GTPBP4: variants seen among roughly 807,000 people sequenced by gnomAD.
The protein encoded by GTPBP4 is GTP binding protein 4, also known as GTP-binding protein 4.
GTPBP4 carries 15 observed loss-of-function variants against 81.7 expected under a neutral mutation model. The ratio of observed to expected loss-of-function variants is 0.18; its 90% CI spans 0.12 to 0.28. The LOEUF is 0.28. Among genes scored for constraint, GTPBP4 ranks in the 10% least tolerant of loss-of-function variants. GTPBP4 has a pLI of 1.00. For synonymous variants in GTPBP4, 272 were observed against 274.6 expected, an observed-to-expected ratio of 0.99 and a Z score of 0.09; for missense variants, 847 against 793.8, an observed-to-expected ratio of 1.07 and a Z score of -0.81.
chr10:1,001,151 G>A (rs1159154635), intron 8 of GTPBP4, 138 bp downstream of exon 8: 1 of 636,404 alleles, frequency 1.6e-6, no homozygotes, highest in Admixed American at 2.8e-5. Flanking sequence ...TATCCTCAGT[G>A]GTTTAGTGAA....
intron 1 of GTPBP4, among the ~76,000 whole-genome samples, chr10:990,305 G>A (rs549682517): frequency 8.0e-4 from 122 of 152,174 alleles, no homozygotes; most frequent in African/African-American, 2.5e-3. Context: ...AAATCACATC[G>A]GGAAAGTGTG....
intron 9 of GTPBP4, among the ~76,000 whole-genome samples, chr10:1,006,499 G>T (rs556063791): frequency 6.6e-6 from 1 of 152,150 alleles, no homozygotes; most frequent in Non-Finnish European, 1.5e-5. Flanking sequence ...TTAGCCGGGC[G>T]TGGTAGCGCA....
At position 1,017,357 on chromosome 10, in the gene GTPBP4, T is replaced by C; in HGVS notation, c.*130T>C. On this transcript the variant is annotated 3_prime_UTR_variant, in exon 17 of 17. Transcript: ENST00000360803. Reference sequence around the variant, plus strand: ...AAAATAAGTAAAGCACTTGTTGCTTTGCTGAAAACTATGGTTAACCCTATA... The same window carrying C: ...AAAATAAGTAAAGCACTTGTTGCTTCGCTGAAAACTATGGTTAACCCTATA... 1 of 871,500 alleles carries C rather than the reference T, an allele frequency of 1.1e-6. No homozygotes were observed. The highest frequency in any genetic ancestry group is 2.4e-5 in the Admixed American group (1 of 40,822). 54.0% of individuals were successfully genotyped at this position (871,500 alleles called of 1,614,324 possible).
In GTPBP4 at chr10:1,005,774, T is replaced by C. The variant is rs562198950; in HGVS notation, c.913-44T>C. The C allele has an allele frequency of 1.4e-4, 149 of 1,086,892 alleles. No individual in the cohort carries two copies. The Admixed American group carries it at 1.7e-3, about 13-fold the overall frequency. 67.3% of individuals were successfully genotyped at this position (1,086,892 alleles called of 1,614,324 possible). A position where few individuals can be genotyped will look rare whatever the true frequency, so the allele number is the denominator to read the frequency against. On this transcript the variant is annotated intron_variant, in intron 8 of 16. Transcript: ENST00000360803. Reference sequence around the variant, plus strand: ...CTGTACAGTTTGTTCCATAGGGAACTGGAAATGAATAATACATCTCTCGTT... The same window carrying C: ...CTGTACAGTTTGTTCCATAGGGAACCGGAAATGAATAATACATCTCTCGTT...
chr10:1,007,094 T>C lies in GTPBP4; in HGVS notation c.1079T>C (p.Leu360Pro). 3.1e-6 allele frequency: 5 copies of C among 1,606,962 alleles called. No individual in the cohort carries two copies. Among genetic ancestry groups the C allele is most frequent in the Non-Finnish European group, 4.3e-6 (5 of 1,173,424 alleles). ...GNKVNEVLNR[L>P]HLAIPTRRDD... ...AAAGTGAATGAGGTGCTGAATAGAC[T>C]GCACCTGGCTATCCCAACCAGGAGG... Residue 360 changes from leucine (L) to proline (P), a missense_variant, in exon 10 of 17, where the codon CTG (leucine) becomes CCG (proline). By Grantham distance (98) the Leu-to-Pro change is moderately conservative (BLOSUM62 -3). Around this residue, in one of 3 missense-constraint regions of GTPBP4, gnomAD observed 600 missense variants for 557.1 expected, o/e 1.08. Coordinates refer to ENST00000360803, the MANE Select transcript of GTPBP4 (RefSeq NM_012341.3).
In GTPBP4 at chr10:1,019,505, C is replaced by A; in HGVS notation, c.*2278C>A. On this transcript the variant is annotated 3_prime_UTR_variant, in exon 17 of 17. Coordinates refer to ENST00000360803, the MANE Select transcript of GTPBP4 (RefSeq NM_012341.3). ...AGGGCATTACACATGGCTGACTCGA[C>A]CTCCCTGCCTCTCACACTCTGTGTA... The A allele has an allele frequency of 6.2e-7, 1 of 1,603,878 alleles. No homozygotes were observed.
chr10:1,004,996 G>A (rs1831699513), intron 8 of GTPBP4, among the ~76,000 whole-genome samples: 1 of 152,204 alleles, frequency 6.6e-6, no homozygotes, highest in Non-Finnish European at 1.5e-5. Context: ...GGCTCCGGTG[G>A]TGAGGGCTGT....
In GTPBP4 at chr10:989,947, G is replaced by C. The variant is rs374017970; in HGVS notation, c.48+1420G>C. On this transcript the variant is annotated intron_variant, in intron 1 of 16. Transcript: ENST00000360803. ...AAGTGGAGTTTCACCATGTTGGCCA[G>C]ACTGGTCTTGAACTCCTAATCTCAA... Among the ~76,000 whole-genome samples the C allele has an allele frequency of 2.6e-4, 39 of 152,166 alleles. 1 individual carries two copies. The East Asian group carries it at 6.8e-3, about 26-fold the overall frequency.
At position 1,019,917 on chromosome 10, in the gene GTPBP4, T is replaced by G. The variant is rs1832061949; in HGVS notation, c.*2690T>G. ...GAAAAATAGAGAAAATAAACACATT[T>G]GTTTTCCTCAGAAAATGAACACTTT... On this transcript the variant is annotated 3_prime_UTR_variant, in exon 17 of 17. Transcript: ENST00000360803. 1 of 1,037,514 alleles carries G rather than the reference T, an allele frequency of 9.6e-7. No individual in the cohort carries two copies. The highest frequency in any genetic ancestry group is 1.5e-5 in the South Asian group (1 of 65,918). The allele number at this position is 1,037,514 out of a possible 1,614,324, so 64.3% of individuals were successfully genotyped here. A position where few individuals can be genotyped will look rare whatever the true frequency, so the allele number is the denominator to read the frequency against.
chr10:1,019,469 T>C lies in GTPBP4; in HGVS notation c.*2242T>C. On this transcript the variant is annotated 3_prime_UTR_variant, in exon 17 of 17. Transcript: ENST00000360803. ...TGTATCATTGCCTCAATGGTGCGTC[T>C]GCCTGCACTGAGGGCATTACACATG... 6.7e-7 allele frequency: 1 copy of C among 1,482,550 alleles called. No individual in the cohort carries two copies. Among genetic ancestry groups the C allele is most frequent in the Non-Finnish European group, 9.2e-7 (1 of 1,086,614 alleles). 91.8% of individuals were successfully genotyped at this position (1,482,550 alleles called of 1,614,324 possible).
At chr10:1,002,348 T>C (rs1023628618) in intron 8 of GTPBP4, among the ~76,000 whole-genome samples, 4 of 152,230 alleles carry the variant, frequency 2.6e-5, no homozygotes, top group African/African-American at 9.6e-5. Context: ...ATGACCTTCT[T>C]GTCTCTTTTT....
chr10:1,005,011 G>T (rs1291565514), intron 8 of GTPBP4, among the ~76,000 whole-genome samples: 3 of 152,188 alleles, frequency 2.0e-5, no homozygotes, highest in Non-Finnish European at 4.4e-5. Context: ...GGCTGTGGGT[G>T]TCCAGAGTGG....
chr10:1,001,123 AT>A, intron 8 of GTPBP4, 110 bp downstream of exon 8: 1 of 713,294 alleles, frequency 1.4e-6, no homozygotes, highest in Non-Finnish European at 2.5e-6. Flanking sequence ...CCACAATTGT[AT>A]TTTATAGTTG....
At chr10:1,002,322 C>T (rs1831650009) in intron 8 of GTPBP4, among the ~76,000 whole-genome samples, 1 of 152,168 alleles carries the variant, frequency 6.6e-6, no homozygotes. Flanking sequence ...TTATTGACCC[C>T]TTTTATTATT....
At chr10:1,011,391 A>G (rs12770413) in intron 13 of GTPBP4, among the ~76,000 whole-genome samples, 10 of 93,908 alleles carry the variant, frequency 1.1e-4, no homozygotes, top group East Asian at 3.6e-4. Context: ...ATTAGTTGCT[A>G]TCCTGCCTTC....
chr10:1,009,133 GC>G, intron 11 of GTPBP4, 98 bp downstream of exon 11: 2 of 848,498 alleles, frequency 2.4e-6, no homozygotes, highest in Non-Finnish European at 1.9e-6. Flanking sequence ...AGCCGCGGGT[GC>G]CCAGACACTG....
At chr10:991,727 G>A (rs1231934709) in intron 1 of GTPBP4, among the ~76,000 whole-genome samples, 5 of 116,850 alleles carry the variant, frequency 4.3e-5, no homozygotes, top group African/African-American at 1.3e-4. Context: ...ACGGAGTCTC[G>A]CTCTGTCGCC....
At position 988,488 on chromosome 10, in the gene GTPBP4, T is replaced by A; in HGVS notation, c.9T>A (p.His3Gln). The change falls in exon 1 of 17, where the codon CAT becomes CAA. Residue 3 changes from histidine to glutamine, a missense_variant. Transcript: ENST00000360803. Reference sequence around the variant, plus strand: ...TGCATACGGCTGCCGGCATGGCACATTACAACTTCAAGAAAATTACGGTGG... The same window carrying A: ...TGCATACGGCTGCCGGCATGGCACAATACAACTTCAAGAAAATTACGGTGG... MA[H>Q]YNFKKITVVP... 1 of 1,613,322 alleles carries A rather than the reference T, an allele frequency of 6.2e-7. No individual in the cohort carries two copies. The highest frequency in any genetic ancestry group is 1.1e-5 in the South Asian group (1 of 91,068).
At chr10:1,000,481 C>T (rs921228056) in intron 6 of GTPBP4, among the ~76,000 whole-genome samples, 196 bp from the exon 7 acceptor site, 1 of 151,688 alleles carries the variant, frequency 6.6e-6, no homozygotes, top group Non-Finnish European at 1.5e-5. Context: ...TCGTGATCCA[C>T]CCGCCTCGGC....
Sources: gnomAD v4.1 joint callset for allele counts (sites outside exome capture counted in the v4.1 genomes callset) on GRCh38, gnomAD v4.1.1 for gene constraint, gnomAD v4.1.1 regional missense constraint, MANE v1.5 for transcripts, NCBI Gene and HGNC (gene_info 2026-07-23, HGNC 2026-07-21) for gene names.